GALNTL6: variants seen among roughly 807,000 people sequenced by gnomAD.
The protein encoded by GALNTL6 is polypeptide N-acetylgalactosaminyltransferase like 6, also known as polypeptide N-acetylgalactosaminyltransferase-like 6.
A neutral mutation model predicts 73.7 loss-of-function variants in GALNTL6; 46 were observed. The ratio of observed to expected loss-of-function variants is 0.62; its 90% CI spans 0.49 to 0.80. The LOEUF is 0.80. GALNTL6 is among the 30% of genes least tolerant of loss of function. GALNTL6 has a pLI of 0.00. For missense variants in GALNTL6, 604 were observed against 755.0 expected (o/e 0.80, Z 2.34); for synonymous variants, 259 against 263.7 (o/e 0.98, Z 0.17).
chr4:172,865,322 C>G (rs1475573379), intron 7 of GALNTL6, among the ~76,000 whole-genome samples: 1 of 152,194 alleles, frequency 6.6e-6, no homozygotes, highest in African/African-American at 2.4e-5. Flanking sequence ...AAGATAAACG[C>G]TGTTTGTTCA....
At chr4:172,571,270 C>A (rs1166278878) in intron 5 of GALNTL6, among the ~76,000 whole-genome samples, 1 of 152,182 alleles carries the variant, frequency 6.6e-6, no homozygotes, top group Non-Finnish European at 1.5e-5. Flanking sequence ...TTTATTAGAA[C>A]ATTATTCGTG....
chr4:172,182,312 GTA>G (rs1308938424), intron 2 of GALNTL6, among the ~76,000 whole-genome samples: 2 of 152,218 alleles, frequency 1.3e-5, no homozygotes, highest in Admixed American at 1.3e-4. Flanking sequence ...GGGAACGACT[GTA>G]TCACATAGAT....
At chr4:172,678,626 A>G (rs969308300) in intron 5 of GALNTL6, among the ~76,000 whole-genome samples, 3 of 152,144 alleles carry the variant, frequency 2.0e-5, no homozygotes, top group African/African-American at 7.2e-5. Context: ...TTATTTTACC[A>G]TCTTCTTTTC....
chr4:172,524,193 C>G (rs916667469), intron 5 of GALNTL6, among the ~76,000 whole-genome samples: 1 of 151,760 alleles, frequency 6.6e-6, no homozygotes, highest in Admixed American at 6.6e-5. Flanking sequence ...TTTATCATTG[C>G]TTTTGTGAGT....
intron 5 of GALNTL6, among the ~76,000 whole-genome samples, chr4:172,660,701 C>A (rs1731322631): frequency 6.6e-6 from 1 of 152,074 alleles, no homozygotes; most frequent in Non-Finnish European, 1.5e-5. Flanking sequence ...CCCCACTTAT[C>A]CATAAGCACA....
At chr4:172,705,126 CA>C (rs1734253298) in intron 5 of GALNTL6, among the ~76,000 whole-genome samples, 1 of 151,498 alleles carries the variant, frequency 6.6e-6, no homozygotes. Flanking sequence ...TACTTTTATC[CA>C]TTCACCCACC....
intron 5 of GALNTL6, among the ~76,000 whole-genome samples, chr4:172,547,698 T>C (rs1296327568): frequency 6.6e-6 from 1 of 152,182 alleles, no homozygotes; most frequent in Non-Finnish European, 1.5e-5. Context: ...TTTTATTAAA[T>C]TTAACTATAA....
At chr4:171,876,260 C>G (rs900666081) in intron 2 of GALNTL6, among the ~76,000 whole-genome samples, 51 of 152,076 alleles carry the variant, frequency 3.4e-4, no homozygotes, top group African/African-American at 1.2e-3. Context: ...TACAGAAAGA[C>G]GTCTTAAAAC....
chr4:171,944,296 TAGA>T (rs1578994470), intron 2 of GALNTL6, among the ~76,000 whole-genome samples: 1 of 152,056 alleles, frequency 6.6e-6, no homozygotes, highest in Non-Finnish European at 1.5e-5. Context: ...TGTGTTGGAA[TAGA>T]AGAAGTTTAT....
chr4:172,291,039 C>T (rs1739454028), intron 3 of GALNTL6, among the ~76,000 whole-genome samples: 2 of 151,628 alleles, frequency 1.3e-5, no homozygotes, highest in African/African-American at 2.4e-5. Context: ...TCCAATACCC[C>T]CACAAAAAAA....
intron 5 of GALNTL6, among the ~76,000 whole-genome samples, chr4:172,389,211 T>A (rs1340975217): frequency 6.6e-6 from 1 of 152,036 alleles, no homozygotes; most frequent in Non-Finnish European, 1.5e-5. Flanking sequence ...CATTTAGTAA[T>A]AATTAATTTA....
chr4:172,764,285 G>T (rs28591369), intron 5 of GALNTL6, among the ~76,000 whole-genome samples: 75 of 152,212 alleles, frequency 4.9e-4, no homozygotes, highest in African/African-American at 1.5e-3. Flanking sequence ...CAAATTGAGA[G>T]AAAATAATTT....
At chr4:171,956,131 T>C (rs1739040294) in intron 2 of GALNTL6, among the ~76,000 whole-genome samples, 1 of 112,910 alleles carries the variant, frequency 8.9e-6, no homozygotes, top group African/African-American at 3.5e-5. Context: ...GTCTCCAGAG[T>C]AGCGGGACTA....
chr4:172,684,892 TA>T (rs1372468721), intron 5 of GALNTL6, among the ~76,000 whole-genome samples: 1 of 152,230 alleles, frequency 6.6e-6, no homozygotes, highest in Non-Finnish European at 1.5e-5. Context: ...TTTTTCAATT[TA>T]CCATTAACAT....
intron 2 of GALNTL6, among the ~76,000 whole-genome samples, chr4:172,016,172 C>A (rs1295632690): frequency 6.6e-6 from 1 of 151,866 alleles, no homozygotes. Flanking sequence ...AAACATTTAG[C>A]TTTCTCTTCT....
intron 3 of GALNTL6, among the ~76,000 whole-genome samples, chr4:172,238,670 T>G (rs1737321339): frequency 6.6e-6 from 1 of 152,176 alleles, no homozygotes; most frequent in African/African-American, 2.4e-5. Context: ...GGTATACTTA[T>G]CTTGTGCCAG....
chr4:171,866,824 A>C (rs939851260), intron 2 of GALNTL6, among the ~76,000 whole-genome samples: 1 of 152,156 alleles, frequency 6.6e-6, no homozygotes, highest in Non-Finnish European at 1.5e-5. Flanking sequence ...AATCCCATTT[A>C]GGAGGGCCAT....
At chr4:172,239,828 A>G (rs1041576390) in intron 3 of GALNTL6, among the ~76,000 whole-genome samples, 3 of 152,148 alleles carry the variant, frequency 2.0e-5, no homozygotes, top group African/African-American at 7.2e-5. Flanking sequence ...GGTGAGTTCT[A>G]TAAATATCTG....
Position 171,814,480 on chromosome 4 carries a change from T to A in GALNTL6, c.-101T>A. On this transcript the variant is annotated 5_prime_UTR_variant, in exon 2 of 13. Transcript: ENST00000506823. ...CAACAAAAGTTTGTAGCTTCTCAGTTTCTGGTGCTTCGCAGGGGAGAGGAA... is the reference window on the plus strand; with the variant it reads ...CAACAAAAGTTTGTAGCTTCTCAGTATCTGGTGCTTCGCAGGGGAGAGGAA... 4 of 1,301,756 alleles carry A rather than the reference T, an allele frequency of 3.1e-6. No homozygotes were observed. The highest frequency in any genetic ancestry group is 4.3e-6 in the Non-Finnish European group (4 of 926,546). The allele number at this position is 1,301,756 out of a possible 1,614,324, so 80.6% of individuals were successfully genotyped here. A position where few individuals can be genotyped will look rare whatever the true frequency, so the allele number is the denominator to read the frequency against.
Sources: gnomAD v4.1 joint callset for allele counts (sites outside exome capture counted in the v4.1 genomes callset) on GRCh38, gnomAD v4.1.1 for gene constraint, MANE v1.5 for transcripts, NCBI Gene and HGNC (gene_info 2026-07-23, HGNC 2026-07-21) for gene names.